TENM3: variants seen among roughly 807,000 people sequenced by gnomAD.
TENM3 encodes teneurin-3.
TENM3 carries 63 observed loss-of-function variants against 255.1 expected under a neutral mutation model. The ratio of observed to expected loss-of-function variants is 0.25; its 90% CI spans 0.20 to 0.30. The LOEUF is 0.30. Among genes scored for constraint, TENM3 ranks in the 10% least tolerant of loss-of-function variants. The probability of loss-of-function intolerance (pLI) is 1.00; values close to 1 mark genes in which losing one functional copy is unlikely to be tolerated. For missense variants in TENM3, 2,929 were observed against 3,461.1 expected (o/e 0.85, Z 3.86); for synonymous variants, 1,306 against 1,322.3 (o/e 0.99, Z 0.27).
At chr4:182,522,746 C>T (rs906586855) in intron 3 of TENM3, among the ~76,000 whole-genome samples, 5 of 152,152 alleles carry the variant, frequency 3.3e-5, no homozygotes, top group Non-Finnish European at 5.9e-5. Flanking sequence ...TCTTGGCTCT[C>T]GTGAATAATT....
chr4:182,547,010 A>G (rs1034880123), intron 3 of TENM3, among the ~76,000 whole-genome samples: 3 of 152,152 alleles, frequency 2.0e-5, no homozygotes, highest in South Asian at 2.1e-4. Context: ...TTCAATATGC[A>G]TATTTTTACA....
chr4:181,570,206 C>T, the TENM3 span, among the ~76,000 whole-genome samples: 10 of 151,888 alleles, frequency 6.6e-5, no homozygotes, highest in African/African-American at 2.2e-4. Context: ...CCACCGCGCC[C>T]GGCTAATTTT....
In TENM3 at chr4:182,793,913, C is replaced by A; in HGVS notation, c.7213+28C>A. The stretch of plus-strand genomic sequence containing the variant: ...AAGCATTTTGATTCCTTCCCAAGAG[C>A]TGGAGGACTACCATCATTAGATTAA... On this transcript the variant is annotated intron_variant, in intron 26 of 27. Coordinates refer to ENST00000511685, the MANE Select transcript of TENM3 (RefSeq NM_001080477.4). This position sits in a 1 kb window ranked among gnomAD's most constrained non-coding sequence, Gnocchi z 5.7. 6.4e-7 allele frequency: 1 copy of A among 1,553,076 alleles called. No homozygotes were observed. The highest frequency in any genetic ancestry group is 1.2e-5 in the South Asian group (1 of 81,700).
chr4:182,793,178 G>C lies in TENM3; in HGVS notation c.6506G>C (p.Arg2169Pro). The C allele has an allele frequency of 6.2e-7, 1 of 1,613,986 alleles. No individual in the cohort carries two copies. The highest frequency in any genetic ancestry group is 8.5e-7 in the Non-Finnish European group (1 of 1,179,868). ...TTACTGAACCCAAGTAACAGTGCGC[G>C]TCTGACACCCCTTCGCTATGACCTG... The part of the protein sequence containing the change: ...LHLLNPSNSA[R>P]LTPLRYDLRD... The change falls in exon 26 of 28, where the codon CGT (arginine) becomes CCT (proline). Residue 2169 changes from arginine (R) to proline (P), a missense_variant. Around this residue, in one of 6 missense-constraint regions of TENM3, gnomAD observed 256 missense variants for 389.3 expected, o/e 0.66. Transcript: ENST00000511685. This position sits in a 1 kb window ranked among gnomAD's most constrained non-coding sequence, Gnocchi z 5.7.
At chr4:182,059,284 T>A in the TENM3 span, among the ~76,000 whole-genome samples, 3 of 152,134 alleles carry the variant, frequency 2.0e-5, no homozygotes, top group Non-Finnish European at 4.4e-5. Context: ...TTCCTTAAGC[T>A]TTGTCTCACC....
chr4:182,342,375 C>T (rs1764538691), intron 2 of TENM3, among the ~76,000 whole-genome samples: 3 of 152,134 alleles, frequency 2.0e-5, no homozygotes, highest in South Asian at 4.1e-4. Context: ...GTGAAAGAAG[C>T]CAGTCACACA....
intron 1 of TENM3, among the ~76,000 whole-genome samples, chr4:182,149,685 G>C (rs934832037): frequency 6.6e-6 from 1 of 152,034 alleles, no homozygotes; most frequent in South Asian, 2.1e-4. Flanking sequence ...TCTTAACCGA[G>C]TTCCTTGACT....
intron 3 of TENM3, among the ~76,000 whole-genome samples, chr4:182,583,333 C>CTG (rs3073440): frequency 0.14 from 19,746 of 143,360 alleles, 1,347 homozygotes; most frequent in Middle Eastern, 0.19. Flanking sequence ...GCTTAAACCT[C>CTG]TGTGTGTGTG....
chr4:182,747,499 G>A (rs1762087692), intron 19 of TENM3, among the ~76,000 whole-genome samples: 1 of 152,120 alleles, frequency 6.6e-6, no homozygotes, highest in Non-Finnish European at 1.5e-5. Context: ...TCTTTTAGAT[G>A]TACCAAACAT....
At chr4:182,063,719 C>T in the TENM3 span, among the ~76,000 whole-genome samples, 12 of 152,276 alleles carry the variant, frequency 7.9e-5, no homozygotes, top group African/African-American at 2.9e-4. Flanking sequence ...GTCAGAGATA[C>T]AAGAAGCGTT....
At chr4:181,718,610 AATTGCAT>A in the TENM3 span, among the ~76,000 whole-genome samples, 56 of 152,188 alleles carry the variant, frequency 3.7e-4, 1 homozygote, top group Non-Finnish European at 1.2e-4. Flanking sequence ...TCGCAATGGA[AATTGCAT>A]ATTTAGGTTC....
the TENM3 span, among the ~76,000 whole-genome samples, chr4:181,694,750 A>G: frequency 1.3e-5 from 2 of 152,228 alleles, no homozygotes; most frequent in Non-Finnish European, 2.9e-5. Context: ...CGTTAACAAC[A>G]ACCAATTTGT....
the TENM3 span, among the ~76,000 whole-genome samples, chr4:181,612,848 C>T: frequency 2.6e-5 from 4 of 152,010 alleles, no homozygotes; most frequent in African/African-American, 9.7e-5. Context: ...AAAAACATTA[C>T]CTATTTAAAT....
chr4:181,496,268 T>C, the TENM3 span, among the ~76,000 whole-genome samples: 4 of 149,060 alleles, frequency 2.7e-5, no homozygotes, highest in Admixed American at 6.6e-5. Flanking sequence ...AAATTAAATC[T>C]TTGACAATGT....
At chr4:182,241,857 G>A (rs892864424), upstream of TENM3, among the ~76,000 whole-genome samples, 2 of 151,752 alleles carry the variant, frequency 1.3e-5, no homozygotes, top group Non-Finnish European at 1.5e-5. Context: ...AGGCTTGACC[G>A]TTCTTTTAAA....
chr4:182,675,506 C>T lies in TENM3; in HGVS notation c.1326+2287C>T, dbSNP rs116622321. Among the ~76,000 whole-genome samples the T allele has an allele frequency of 8.7e-3, 1,316 of 151,538 alleles. 15 individuals are homozygous for T. The highest frequency in any genetic ancestry group is 0.03 in the African/African-American group (1,228 of 41,280). On this transcript the variant is annotated intron_variant, in intron 7 of 27. Transcript: ENST00000511685. ...CAGTAAGTGAGAGATCGTGACATTG[C>T]ACTCCAGCCTGGACGACAGGAGCAA...
chr4:181,761,768 G>C, the TENM3 span, among the ~76,000 whole-genome samples: 2 of 152,098 alleles, frequency 1.3e-5, no homozygotes, highest in Non-Finnish European at 2.9e-5. Context: ...TACATATTCA[G>C]ACTTAGGGCA....
At chr4:182,673,496 C>A (rs1755396935) in intron 7 of TENM3, among the ~76,000 whole-genome samples, 1 of 152,190 alleles carries the variant, frequency 6.6e-6, no homozygotes, top group Non-Finnish European at 1.5e-5. Flanking sequence ...CCCAGTAAAA[C>A]ACCATGGATT....
intron 3 of TENM3, among the ~76,000 whole-genome samples, chr4:182,481,147 G>T (rs1734158910): frequency 6.6e-6 from 1 of 152,102 alleles, no homozygotes; most frequent in African/African-American, 2.4e-5. Context: ...GAGAGGCCAA[G>T]AGAGTTTCTA....
Sources: gnomAD v4.1 joint callset for allele counts (sites outside exome capture counted in the v4.1 genomes callset) on GRCh38, gnomAD v4.1.1 for gene constraint, gnomAD v4.1.1 regional missense constraint, Gnocchi (gnomAD v3.1) non-coding constraint, MANE v1.5 for transcripts, NCBI Gene and HGNC (gene_info 2026-07-23, HGNC 2026-07-21) for gene names.